DNAAF9: variants seen among roughly 807,000 people sequenced by gnomAD.
The protein encoded by DNAAF9 is dynein axonemal assembly factor 9.
A neutral mutation model predicts 167.0 loss-of-function variants in DNAAF9; 90 were observed. The observed-to-expected ratio is 0.54, with a 90% confidence interval of 0.45 to 0.64. The LOEUF (loss-of-function observed/expected upper bound fraction) is 0.64. Ranked by LOEUF, DNAAF9 falls within the 30% of genes least tolerant of loss-of-function variation. DNAAF9 has a pLI of 0.00. For synonymous variants in DNAAF9, 491 were observed against 508.8 expected (o/e 0.96, Z 0.47); for missense variants, 1,315 against 1,442.2 (o/e 0.91, Z 1.43).
In DNAAF9 at chr20:3,261,753, A is replaced by G. The variant is rs1447782744; in HGVS notation, c.2874-1725T>C. On this transcript the variant is annotated intron_variant, in intron 31 of 36. Coordinates refer to ENST00000252032, the MANE Select transcript of DNAAF9 (RefSeq NM_001009984.3). ...TCTTCTTAATTTCTTTAAAGAAGGT[A>G]GTAGGCATAAGATTTTTGCAAGACT... is the stretch of plus-strand genomic sequence containing the variant. Among the ~76,000 whole-genome samples the G allele has an allele frequency of 1.3e-5, 2 of 151,414 alleles. 1 individual carries two copies. The highest frequency in any genetic ancestry group is 2.9e-5 in the Non-Finnish European group (2 of 67,918).
intron 30 of DNAAF9, among the ~76,000 whole-genome samples, chr20:3,269,078 A>AT (rs2068543002): frequency 1.3e-5 from 2 of 150,908 alleles, no homozygotes; most frequent in Non-Finnish European, 3.0e-5. Context: ...TAATTTCTGT[A>AT]TTTTTTTAAA....
At chr20:3,348,670 G>GT in intron 7 of DNAAF9, 47 bp from the exon 8 acceptor site, 1 of 1,163,740 alleles carries the variant, frequency 8.6e-7, no homozygotes, top group Non-Finnish European at 1.2e-6. Flanking sequence ...TATAAAGGAG[G>GT]TATTTTAGAA....
chr20:3,327,401 T>A (rs937111003), intron 12 of DNAAF9, among the ~76,000 whole-genome samples: 8 of 152,006 alleles, frequency 5.3e-5, no homozygotes, highest in Non-Finnish European at 1.2e-4. Context: ...ACAATAGAAT[T>A]GCCCTTGGTT....
chr20:3,296,995 C>T (rs376874434), intron 22 of DNAAF9, 46 bp from the exon 23 acceptor site: 61 of 1,105,204 alleles, frequency 5.5e-5, no homozygotes, highest in Non-Finnish European at 8.0e-5. Context: ...AACCCAACAA[C>T]AGGATATGGA....
At chr20:3,366,664 C>T (rs192023408) in intron 6 of DNAAF9, among the ~76,000 whole-genome samples, 3 of 152,308 alleles carry the variant, frequency 2.0e-5, no homozygotes, top group African/African-American at 7.2e-5. Flanking sequence ...GTGGCTCACA[C>T]ATGTAATCCC....
chr20:3,361,198 C>T (rs1211877107), intron 6 of DNAAF9, among the ~76,000 whole-genome samples: 2 of 152,046 alleles, frequency 1.3e-5, no homozygotes, highest in Admixed American at 6.6e-5. Context: ...AGCAGCACCC[C>T]TCGATAAAGG....
intron 23 of DNAAF9, 109 bp downstream of exon 23, chr20:3,296,752 C>T (rs1176240666): frequency 4.1e-6 from 3 of 726,200 alleles, no homozygotes; most frequent in Non-Finnish European, 4.8e-6. Context: ...TCTGTGTTGA[C>T]CCTTTCAGAA....
chr20:3,280,306 T>C (rs1018446607), intron 28 of DNAAF9, among the ~76,000 whole-genome samples: 1 of 152,112 alleles, frequency 6.6e-6, no homozygotes, highest in South Asian at 2.1e-4. Context: ...AAACAGCCTG[T>C]AATCCCAGCA....
At position 3,249,795 on chromosome 20, in the gene DNAAF9, C is replaced by T. The variant is rs2068171530; in HGVS notation, c.*2777G>A. 1 of 152,180 alleles carries T rather than the reference C, an allele frequency of 6.6e-6. No homozygotes were observed. The highest frequency in any genetic ancestry group is 1.5e-5 in the Non-Finnish European group (1 of 68,040). 9.4% of individuals were successfully genotyped at this position (152,180 alleles called of 1,614,324 possible). A position where few individuals can be genotyped will look rare whatever the true frequency, so the allele number is the denominator to read the frequency against. ...CAGAGCTTCTTACTGTGCAAAAATT[C>T]TCCAAAATCCTAATAGAATTTAGGA... On this transcript the variant is annotated 3_prime_UTR_variant, in exon 37 of 37. Transcript: ENST00000252032.
chr20:3,273,238 C>T lies in DNAAF9; in HGVS notation c.2651-2676G>A, dbSNP rs985552714. 8.5e-5 allele frequency among the ~76,000 whole-genome samples: 13 copies of T among 152,222 alleles called. No homozygotes were observed. The East Asian group carries it at 2.5e-3, about 29-fold the overall frequency. On this transcript the variant is annotated intron_variant, in intron 29 of 36. Coordinates refer to ENST00000252032, the MANE Select transcript of DNAAF9 (RefSeq NM_001009984.3). ...TGCAGAATCCTAAGTAATGAATATT[C>T]AGTAATGAACACTCTATACTGATAC...
intron 29 of DNAAF9, among the ~76,000 whole-genome samples, chr20:3,276,540 G>T (rs575092494): frequency 6.6e-6 from 1 of 152,210 alleles, no homozygotes; most frequent in Non-Finnish European, 1.5e-5. Flanking sequence ...GGCCTCAAAG[G>T]GTTCAGACTA....
intron 7 of DNAAF9, among the ~76,000 whole-genome samples, chr20:3,349,205 A>AAAAC (rs1555794913): frequency 6.8e-5 from 4 of 59,220 alleles, no homozygotes; most frequent in African/African-American, 2.9e-4. Flanking sequence ...AAAAAAAAAC[A>AAAAC]AAAAAAAAAA....
chr20:3,350,622 C>T (rs1022572259), intron 7 of DNAAF9, among the ~76,000 whole-genome samples: 1 of 152,030 alleles, frequency 6.6e-6, no homozygotes, highest in Admixed American at 6.6e-5. Flanking sequence ...TCAAAGAAAC[C>T]AGAACATTTT....
chr20:3,268,776 T>G (rs1245953672), intron 30 of DNAAF9, among the ~76,000 whole-genome samples: 1 of 152,186 alleles, frequency 6.6e-6, no homozygotes, highest in African/African-American at 2.4e-5. Flanking sequence ...ACAAAACAGC[T>G]ATATAACCAG....
At chr20:3,296,057 T>C (rs1368379811) in intron 23 of DNAAF9, 9 of 821,062 alleles carry the variant, frequency 1.1e-5, no homozygotes, top group East Asian at 5.2e-5. Context: ...GTAACCCTCA[T>C]CTGGAGTTAC....
chr20:3,325,969 C>A (rs539887126), intron 13 of DNAAF9, among the ~76,000 whole-genome samples: 4 of 151,946 alleles, frequency 2.6e-5, no homozygotes, highest in African/African-American at 9.7e-5. Flanking sequence ...TTAACACAAC[C>A]AGATGTCTAC....
At chr20:3,350,650 T>C (rs2070305017) in intron 7 of DNAAF9, among the ~76,000 whole-genome samples, 1 of 151,960 alleles carries the variant, frequency 6.6e-6, no homozygotes, top group South Asian at 2.1e-4. Context: ...TGACTGAGAG[T>C]GGGTCTCAGA....
intron 17 of DNAAF9, 55 bp from the exon 18 acceptor site, chr20:3,316,848 G>T: frequency 7.9e-7 from 1 of 1,265,814 alleles, no homozygotes; most frequent in Non-Finnish European, 1.2e-6. Context: ...AGCCTGCCTT[G>T]CAGGCCCCAG....
At chr20:3,389,373 A>G (rs1055357836) in intron 1 of DNAAF9, among the ~76,000 whole-genome samples, 1 of 148,926 alleles carries the variant, frequency 6.7e-6, no homozygotes, top group East Asian at 2.0e-4. Flanking sequence ...CTGGTCTCAA[A>G]CTCCTGGGCT....
Sources: allele counts gnomAD v4.1 joint callset (sites outside exome capture counted in the v4.1 genomes callset), GRCh38; gene constraint gnomAD v4.1.1; transcripts MANE v1.5; gene names NCBI Gene and HGNC (gene_info 2026-07-23, HGNC 2026-07-21).